CYTH3: variants seen among roughly 807,000 people sequenced by gnomAD.
CYTH3 encodes cytohesin-3.
Under a neutral mutation model 55.1 loss-of-function variants are expected in CYTH3, and 23 were observed. The ratio of observed to expected loss-of-function variants is 0.42; its 90% CI spans 0.30 to 0.59. CYTH3 has a LOEUF of 0.59. Among genes scored for constraint, CYTH3 ranks in the 20% least tolerant of loss-of-function variants. The probability of loss-of-function intolerance (pLI) is 0.20; values close to 1 mark genes in which losing one functional copy is unlikely to be tolerated. For missense variants in CYTH3, 413 were observed against 524.8 expected (o/e 0.79, Z 2.08); for synonymous variants, 249 against 194.9 (o/e 1.28, Z -2.31).
chr7:6,253,784 C>G (rs896204544), intron 1 of CYTH3, among the ~76,000 whole-genome samples: 13 of 151,798 alleles, frequency 8.6e-5, no homozygotes, highest in Admixed American at 2.6e-4. Context: ...AGACTGCACT[C>G]CAGCCTGGGT....
chr7:6,235,160 C>A (rs1779486863), intron 1 of CYTH3, among the ~76,000 whole-genome samples: 1 of 152,208 alleles, frequency 6.6e-6, no homozygotes, highest in African/African-American at 2.4e-5. Context: ...TTCCCAGCAC[C>A]TGCCCTGATC....
At chr7:6,207,498 C>T (rs1784222347) in intron 1 of CYTH3, among the ~76,000 whole-genome samples, 1 of 152,108 alleles carries the variant, frequency 6.6e-6, no homozygotes, top group African/African-American at 2.4e-5. Flanking sequence ...GGTGGAGTGG[C>T]ACACACCTGT....
chr7:6,272,409 C>CGGG, intron 1 of CYTH3, 65 bp downstream of exon 1: 7 of 1,212,360 alleles, frequency 5.8e-6, no homozygotes, highest in African/African-American at 1.6e-5. Context: ...GCCGCGCCCT[C>CGGG]GACCCCCAGC....
At chr7:6,240,256 T>C (rs1332209036) in intron 1 of CYTH3, among the ~76,000 whole-genome samples, 1 of 139,172 alleles carries the variant, frequency 7.2e-6, no homozygotes, top group African/African-American at 2.8e-5. Context: ...TGAGCTGAGA[T>C]CGTGCCATTG....
chr7:6,173,089 G>C (rs1783245433), intron 6 of CYTH3: 1 of 1,019,200 alleles, frequency 9.8e-7, no homozygotes, highest in Non-Finnish European at 1.2e-6. Flanking sequence ...TCAGGGTCAA[G>C]GCCCAGAACA....
intron 1 of CYTH3, among the ~76,000 whole-genome samples, chr7:6,251,857 T>A (rs1008992451): frequency 2.0e-5 from 3 of 152,036 alleles, no homozygotes; most frequent in African/African-American, 7.2e-5. Context: ...TATTTAATAG[T>A]CCCCAAACAG....
intron 3 of CYTH3, 119 bp downstream of exon 3, chr7:6,187,535 TAAC>T (rs1783685810): frequency 1.0e-5 from 9 of 870,950 alleles, no homozygotes; most frequent in East Asian, 2.5e-5. Context: ...GGAGAGGAAT[TAAC>T]AACTCCACAG....
rs1780048318 is a variant in CYTH3 at position 6,254,349 on chromosome 7, T to C, written c.34+18125A>G. The stretch of plus-strand genomic sequence containing the variant: ...TGTGTACTATTTTGGAACAATATTA[T>C]GGAATGACTGTTAGTTATCTTAAGA... On this transcript the variant is annotated intron_variant, in intron 1 of 12. Transcript: ENST00000350796. Among the ~76,000 whole-genome samples the C allele has an allele frequency of 3.9e-5, 6 of 152,376 alleles. No homozygotes were observed. The South Asian group carries it at 1.2e-3, about 32-fold the overall frequency.
At chr7:6,180,538 G>T (rs1369710218) in intron 4 of CYTH3, among the ~76,000 whole-genome samples, 1 of 152,216 alleles carries the variant, frequency 6.6e-6, no homozygotes, top group Non-Finnish European at 1.5e-5. Context: ...TTCTCCCTCA[G>T]TCTAAGCAGC....
chr7:6,168,240 C>G (rs928660864), intron 9 of CYTH3, among the ~76,000 whole-genome samples: 2 of 76,342 alleles, frequency 2.6e-5, no homozygotes. Flanking sequence ...TTTTTTTTTT[C>G]TGGTGATTGA....
intron 1 of CYTH3, among the ~76,000 whole-genome samples, chr7:6,234,298 C>T (rs1486959090): frequency 2.0e-5 from 3 of 152,224 alleles, no homozygotes; most frequent in Admixed American, 1.3e-4. Flanking sequence ...AGGAGGCACC[C>T]ACTGCCCTGG....
chr7:6,171,308 G>A lies in CYTH3; in HGVS notation c.456C>T (p.Phe152=). ...DLNLVQALRQ[F]LWSFRLPGEA... The stretch of plus-strand genomic sequence containing the variant: ...CCCCGGGCAGCCTGAAGCTCCATAA[G>A]AACTGCCTGTGGAGACACCAAAGCC... Residue 152 remains phenylalanine, a synonymous_variant, in exon 7 of 13, where the codon TTC becomes TTT. Coordinates refer to ENST00000350796, the MANE Select transcript of CYTH3 (RefSeq NM_004227.4). This position sits in a 1 kb window ranked among gnomAD's most constrained non-coding sequence, Gnocchi z 6.7. The A allele has an allele frequency of 2.5e-6, 4 of 1,614,116 alleles. No homozygotes were observed. Among genetic ancestry groups the A allele is most frequent in the Non-Finnish European group, 3.4e-6 (4 of 1,179,990 alleles).
Position 6,173,686 on chromosome 7 carries a change from T to C in CYTH3, c.416A>G (p.Glu139Gly), listed in dbSNP as rs1355095333. The C allele has an allele frequency of 6.2e-6, 10 of 1,612,312 alleles. No homozygotes were observed. Among genetic ancestry groups the C allele is most frequent in the Admixed American group, 1.7e-5 (1 of 59,994 alleles). Residue 139 changes from glutamate (E) to glycine (G), a missense_variant, in exon 6 of 13, where the codon GAG becomes GGG. This residue lies in a region of CYTH3 where 156 missense variants were observed against 233.1 expected (regional missense o/e 0.67). Transcript: ENST00000350796. Reference sequence around the variant, plus strand: ...TTGTACAAGGTTGAGATCAGCAAACTCATGGAGTTCAACAAAGGCTTGAAG... The same window carrying C: ...TTGTACAAGGTTGAGATCAGCAAACCCATGGAGTTCAACAAAGGCTTGAAG... The part of the protein sequence containing the change: ...KVLQAFVELH[E>G]FADLNLVQAL...
chr7:6,180,628 C>G (rs10269024), intron 4 of CYTH3, among the ~76,000 whole-genome samples: 1 of 152,200 alleles, frequency 6.6e-6, no homozygotes, highest in African/African-American at 2.4e-5. Flanking sequence ...TAAACCACCC[C>G]GTTGCTGGTC....
At chr7:6,216,943 C>A (rs1784441982) in intron 1 of CYTH3, among the ~76,000 whole-genome samples, 1 of 150,112 alleles carries the variant, frequency 6.7e-6, no homozygotes, top group South Asian at 2.1e-4. Flanking sequence ...GACTGAGTCT[C>A]ACTCTATCAC....
At chr7:6,265,490 G>A (rs1023927483) in intron 1 of CYTH3, among the ~76,000 whole-genome samples, 4 of 151,678 alleles carry the variant, frequency 2.6e-5, no homozygotes, top group Non-Finnish European at 4.4e-5. Context: ...ATGGTGGCAC[G>A]CGCCTGTAGT....
intron 1 of CYTH3, among the ~76,000 whole-genome samples, chr7:6,191,388 A>G (rs1273687605): frequency 6.6e-6 from 1 of 152,252 alleles, no homozygotes; most frequent in Non-Finnish European, 1.5e-5. Flanking sequence ...ACTCAGCTCA[A>G]AAACAGACTG....
intron 1 of CYTH3, among the ~76,000 whole-genome samples, chr7:6,221,761 G>C (rs553278334): frequency 9.4e-4 from 143 of 152,238 alleles, no homozygotes; most frequent in Admixed American, 3.1e-3. Context: ...TACTCAGGGA[G>C]AGTGAGGTGG....
intron 1 of CYTH3, among the ~76,000 whole-genome samples, chr7:6,256,574 C>T (rs1780129908): frequency 6.6e-6 from 1 of 152,166 alleles, no homozygotes; most frequent in Non-Finnish European, 1.5e-5. Context: ...AAGAGAGAAG[C>T]CCCCAGACTC....
Sources: gnomAD v4.1 joint callset for allele counts (sites outside exome capture counted in the v4.1 genomes callset) on GRCh38, gnomAD v4.1.1 for gene constraint, gnomAD v4.1.1 regional missense constraint, Gnocchi (gnomAD v3.1) non-coding constraint, MANE v1.5 for transcripts, NCBI Gene and HGNC (gene_info 2026-07-23, HGNC 2026-07-21) for gene names.